SEMA6D: variants seen among roughly 807,000 people sequenced by gnomAD.
The protein encoded by SEMA6D is semaphorin 6D.
In SEMA6D, 35 loss-of-function variants were observed where a neutral mutation model predicts 106.6. That is an observed-to-expected ratio of 0.33 (90% CI 0.25 to 0.44). The LOEUF is 0.44. Among genes scored for constraint, SEMA6D ranks in the 20% least tolerant of loss-of-function variants. SEMA6D has a pLI of 1.00. For missense variants in SEMA6D, 1,185 were observed against 1,345.9 expected, an observed-to-expected ratio of 0.88 and a Z score of 1.87; for synonymous variants, 499 against 487.7, an observed-to-expected ratio of 1.02 and a Z score of -0.31.
intron 2 of SEMA6D, among the ~76,000 whole-genome samples, chr15:47,460,553 T>C (rs1320699741): frequency 1.3e-5 from 2 of 152,040 alleles, no homozygotes; most frequent in East Asian, 3.9e-4. Flanking sequence ...TTGAGGACAG[T>C]GTATAAGAAG....
intron 4 of SEMA6D, chr15:47,606,161 T>G (rs2076777885): frequency 6.6e-6 from 1 of 152,140 alleles, no homozygotes; most frequent in Non-Finnish European, 1.5e-5. Flanking sequence ...ATTTACATAG[T>G]AGCAACTCAG....
intron 2 of SEMA6D, among the ~76,000 whole-genome samples, chr15:47,451,219 A>G (rs920629353): frequency 2.0e-5 from 3 of 152,040 alleles, no homozygotes; most frequent in African/African-American, 7.2e-5. Context: ...AACACCAAGT[A>G]CACCCTTGGG....
At chr15:47,415,418 C>T (rs527411414) in intron 2 of SEMA6D, among the ~76,000 whole-genome samples, 2 of 152,132 alleles carry the variant, frequency 1.3e-5, no homozygotes, top group Non-Finnish European at 2.9e-5. Flanking sequence ...GTGGTAAAGC[C>T]GTCTTTCTCA....
chr15:47,283,621 T>C (rs2142592661), intron 1 of SEMA6D, among the ~76,000 whole-genome samples: 1 of 152,332 alleles, frequency 6.6e-6, no homozygotes, highest in East Asian at 1.9e-4. Context: ...GCCTCATCAG[T>C]AGTGGGTGGG....
At chr15:47,743,318 G>A (rs949267694) in intron 1 of SEMA6D, among the ~76,000 whole-genome samples, 2 of 152,134 alleles carry the variant, frequency 1.3e-5, no homozygotes, top group African/African-American at 4.8e-5. Context: ...ACTGGTGATC[G>A]TGGATGACCT....
chr15:47,629,993 T>C (rs1476057960), intron 4 of SEMA6D, among the ~76,000 whole-genome samples: 3 of 151,958 alleles, frequency 2.0e-5, no homozygotes, highest in African/African-American at 7.2e-5. Flanking sequence ...TTATTGGAAA[T>C]AGTGCTGTGA....
chr15:47,280,470 A>G (rs960174396), intron 1 of SEMA6D, among the ~76,000 whole-genome samples: 2 of 146,370 alleles, frequency 1.4e-5, no homozygotes, highest in African/African-American at 5.1e-5. Context: ...GATCCTTTCA[A>G]AAAACCAGCT....
chr15:47,405,180 G>A (rs1046493263), intron 1 of SEMA6D, among the ~76,000 whole-genome samples: 15 of 152,284 alleles, frequency 9.9e-5, no homozygotes, highest in African/African-American at 2.6e-4. Context: ...TCTCTTCTGA[G>A]GAGCAGACAT....
intron 1 of SEMA6D, among the ~76,000 whole-genome samples, chr15:47,241,575 A>G (rs1002860161): frequency 6.6e-6 from 1 of 151,972 alleles, no homozygotes; most frequent in Non-Finnish European, 1.5e-5. Context: ...TCTAAGGCCA[A>G]GTACATTGAA....
intron 4 of SEMA6D, among the ~76,000 whole-genome samples, chr15:47,621,217 A>G (rs2077092027): frequency 1.3e-5 from 2 of 152,276 alleles, no homozygotes; most frequent in Admixed American, 1.3e-4. Context: ...TGAGAACCCC[A>G]CCAACTAAAA....
In SEMA6D at chr15:47,761,736, G is replaced by A; in HGVS notation, c.523G>A (p.Val175Ile). Residue 175 changes from valine to isoleucine, a missense_variant, in exon 7 of 19, where the codon GTT becomes ATT. Coordinates refer to ENST00000536845, the MANE Select transcript of SEMA6D (RefSeq NM_001358351.3). ...RCPFDARQTNVALFADGKLYS... is the reference protein window; with the variant it reads ...RCPFDARQTNIALFADGKLYS... ...CCCATTTGATGCCAGACAAACCAAT[G>A]TTGCCCTCTTTGCTGGTAAGATCCT... 9 of 1,611,896 alleles carry A rather than the reference G, an allele frequency of 5.6e-6. No individual in the cohort carries two copies. The highest frequency in any genetic ancestry group is 7.6e-6 in the Non-Finnish European group (9 of 1,179,002).
rs1379277513 is a variant in SEMA6D, at chr15:47,348,718, C to CAGAGAGA, written c.-238-63675_-238-63674insAGAGAGA. 1.2e-3 allele frequency among the ~76,000 whole-genome samples: 60 copies of CAGAGAGA among 48,048 alleles called. 1 individual carries two copies. Among genetic ancestry groups the CAGAGAGA allele is most frequent in the African/African-American group, 3.3e-3 (55 of 16,604 alleles). The allele number at this position is 48,048 out of a possible 152,430, so 31.5% of individuals were successfully genotyped here. A position where few individuals can be genotyped will look rare whatever the true frequency, so the allele number is the denominator to read the frequency against. On this transcript the variant is annotated intron_variant, in intron 1 of 19. Coordinates refer to the SEMA6D transcript ENST00000558014. Reference sequence around the variant, plus strand: ...ACACACACACACACACACACACACACCACACACACAGAGAGAGAGAGAGAG... The same window carrying CAGAGAGA: ...ACACACACACACACACACACACACACAGAGAGACACACACACAGAGAGAGAGAGAGAG...
At chr15:47,514,841 C>G (rs541756913) in intron 3 of SEMA6D, among the ~76,000 whole-genome samples, 5 of 152,302 alleles carry the variant, frequency 3.3e-5, no homozygotes, top group African/African-American at 1.2e-4. Context: ...AAATATGTTC[C>G]ATGGAGCAGC....
intron 3 of SEMA6D, among the ~76,000 whole-genome samples, chr15:47,560,486 A>T (rs2142659827): frequency 6.6e-6 from 1 of 152,242 alleles, no homozygotes; most frequent in East Asian, 1.9e-4. Context: ...AAAATAAAGT[A>T]TGAAGTTGAG....
chr15:47,213,581 G>C (rs1273618136), intron 1 of SEMA6D, among the ~76,000 whole-genome samples: 2 of 152,254 alleles, frequency 1.3e-5, no homozygotes, highest in East Asian at 3.9e-4. Context: ...AAATCTGATG[G>C]TCTTACATGC....
intron 4 of SEMA6D, among the ~76,000 whole-genome samples, chr15:47,698,837 A>G (rs1156980807): frequency 6.6e-6 from 1 of 152,056 alleles, no homozygotes; most frequent in Non-Finnish European, 1.5e-5. Context: ...TATACTTACT[A>G]CTTACTTGCC....
At chr15:47,749,070 CT>C (rs201718436) in intron 1 of SEMA6D, among the ~76,000 whole-genome samples, 9 of 105,704 alleles carry the variant, frequency 8.5e-5, no homozygotes, top group African/African-American at 2.3e-4. Flanking sequence ...AGTTGTAAAT[CT>C]TTTTTTTTCT....
intron 1 of SEMA6D, among the ~76,000 whole-genome samples, chr15:47,215,800 A>G (rs891059790): frequency 2.0e-5 from 3 of 152,186 alleles, no homozygotes; most frequent in African/African-American, 7.2e-5. Context: ...CATGGGGACT[A>G]AGTACTCACG....
intron 4 of SEMA6D, among the ~76,000 whole-genome samples, chr15:47,657,697 T>C (rs1189990133): frequency 1.4e-5 from 2 of 147,054 alleles, no homozygotes; most frequent in Non-Finnish European, 3.0e-5. Context: ...TTTAATCCAT[T>C]TAGTGACAGA....
Sources: gnomAD v4.1 joint callset for allele counts (sites outside exome capture counted in the v4.1 genomes callset) on GRCh38, gnomAD v4.1.1 for gene constraint, MANE v1.5 for transcripts, NCBI Gene and HGNC (gene_info 2026-07-23, HGNC 2026-07-21) for gene names.